The following NCALD variants were observed in gnomAD, a reference collection of about 807,000 sequenced individuals.
NCALD encodes the protein neurocalcin-delta.
Under a neutral mutation model 18.6 loss-of-function variants are expected in NCALD, and 10 were observed. That is an observed-to-expected ratio of 0.54 (90% CI 0.33 to 0.91). NCALD has a LOEUF of 0.91. Among genes scored for constraint, NCALD ranks in the 40% least tolerant of loss-of-function variants. NCALD has a pLI of 0.03. For synonymous variants in NCALD, 88 were observed against 87.4 expected, an observed-to-expected ratio of 1.01 and a Z score of -0.04; for missense variants, 184 against 247.6, an observed-to-expected ratio of 0.74 and a Z score of 1.72.
At chr8:102,004,816 T>C (rs1220330053) in intron 2 of NCALD, among the ~76,000 whole-genome samples, 1 of 152,144 alleles carries the variant, frequency 6.6e-6, no homozygotes, top group East Asian at 1.9e-4. Flanking sequence ...CTGGGAAAAC[T>C]GGCTAGCCAT....
chr8:101,822,577 C>T (rs145978205), intron 4 of NCALD, among the ~76,000 whole-genome samples: 5 of 152,340 alleles, frequency 3.3e-5, no homozygotes, highest in African/African-American at 1.2e-4. Context: ...GCTCCAGCTA[C>T]GTACCCAGTA....
In NCALD at chr8:101,991,557, G is replaced by C. The variant is rs148300560; in HGVS notation, c.-157+28680C>G. On this transcript the variant is annotated intron_variant, in intron 2 of 6. Coordinates refer to the NCALD transcript ENST00000311028. The stretch of plus-strand genomic sequence containing the variant: ...ATAAATAGTACCAATTCATGTGTCT[G>C]AGTTCTCCTCCCAGGCAAGTAAAAG... Among the ~76,000 whole-genome samples, 1,165 of 152,290 alleles carry C rather than the reference G, an allele frequency of 7.6e-3. 12 individuals carry two copies. The highest frequency in any genetic ancestry group is 0.023 in the African/African-American group (974 of 41,554).
At chr8:101,846,907 C>G (rs1361626433) in intron 4 of NCALD, among the ~76,000 whole-genome samples, 5 of 152,166 alleles carry the variant, frequency 3.3e-5, no homozygotes, top group Non-Finnish European at 7.3e-5. Flanking sequence ...TGGACATTTC[C>G]CATTCCAGCC....
At chr8:101,766,590 TTTTG>T (rs1679946859) in intron 1 of NCALD, among the ~76,000 whole-genome samples, 1 of 152,076 alleles carries the variant, frequency 6.6e-6, no homozygotes. Context: ...TGTTTGTTGT[TTTTG>T]TTTTTGTTTT....
At chr8:101,977,426 G>A (rs1431435887) in intron 2 of NCALD, among the ~76,000 whole-genome samples, 1 of 146,258 alleles carries the variant, frequency 6.8e-6, no homozygotes, top group Non-Finnish European at 1.5e-5. Context: ...GGACATTTTT[G>A]TGGGAATTTT....
At position 101,743,413 on chromosome 8, in the gene NCALD, A is replaced by G. The variant is rs138515251; in HGVS notation, c.-19-23765T>C. Among the ~76,000 whole-genome samples the G allele has an allele frequency of 2.5e-3, 379 of 152,374 alleles. 2 individuals are homozygous for G. Among genetic ancestry groups the G allele is most frequent in the African/African-American group, 8.8e-3 (366 of 41,590 alleles). ...TCTAGTTAAGGCAATAACACGTTACACATGAAACATTTAAGTCTACAACAA... is the reference window on the plus strand; with the variant it reads ...TCTAGTTAAGGCAATAACACGTTACGCATGAAACATTTAAGTCTACAACAA... On this transcript the variant is annotated intron_variant, in intron 1 of 3. Coordinates refer to ENST00000220931, the MANE Select transcript of NCALD (RefSeq NM_032041.3).
At chr8:101,996,640 T>C (rs1821249897) in intron 2 of NCALD, among the ~76,000 whole-genome samples, 1 of 152,226 alleles carries the variant, frequency 6.6e-6, no homozygotes. Flanking sequence ...GAGGTCATCT[T>C]GACAAGTCAG....
chr8:101,907,756 C>T (rs917786216), intron 3 of NCALD, among the ~76,000 whole-genome samples: 1 of 152,274 alleles, frequency 6.6e-6, no homozygotes, highest in Middle Eastern at 3.4e-3. Flanking sequence ...CATGCTTCTC[C>T]AGGCAACTTC....
chr8:102,110,453 C>T (rs1035685805), intron 1 of NCALD, among the ~76,000 whole-genome samples: 3 of 152,178 alleles, frequency 2.0e-5, no homozygotes, highest in Admixed American at 6.5e-5. Context: ...AAGCACTCCA[C>T]TTTCACTCTC....
chr8:101,817,096 G>A (rs1813527616), intron 4 of NCALD, among the ~76,000 whole-genome samples: 2 of 152,144 alleles, frequency 1.3e-5, no homozygotes, highest in Non-Finnish European at 2.9e-5. Flanking sequence ...CATTTAGGAT[G>A]TTCCTGCCTC....
intron 4 of NCALD, among the ~76,000 whole-genome samples, chr8:101,884,302 T>A (rs1175270775): frequency 1.3e-5 from 2 of 152,204 alleles, no homozygotes; most frequent in Non-Finnish European, 2.9e-5. Context: ...ACTTAACACA[T>A]TTGTAAAATG....
At chr8:101,945,593 A>G (rs1378165075) in intron 2 of NCALD, among the ~76,000 whole-genome samples, 1 of 152,214 alleles carries the variant, frequency 6.6e-6, no homozygotes, top group Non-Finnish European at 1.5e-5. Context: ...TACGGAAAAG[A>G]GCATGAGATA....
chr8:101,805,201 G>A (rs563508415), intron 4 of NCALD, among the ~76,000 whole-genome samples: 1 of 152,282 alleles, frequency 6.6e-6, no homozygotes, highest in South Asian at 2.1e-4. Context: ...CTGAGGATCT[G>A]GAGCACTTGA....
chr8:102,060,208 C>T (rs1823797382), intron 1 of NCALD, among the ~76,000 whole-genome samples: 1 of 139,004 alleles, frequency 7.2e-6, no homozygotes, highest in Admixed American at 6.9e-5. Flanking sequence ...GTCTTGATCT[C>T]CTGACCTTGT....
intron 1 of NCALD, among the ~76,000 whole-genome samples, chr8:102,024,218 A>C (rs1822378120): frequency 6.6e-6 from 1 of 152,244 alleles, no homozygotes; most frequent in Non-Finnish European, 1.5e-5. Context: ...CATATTTTCA[A>C]AACTGTGGCA....
intron 1 of NCALD, among the ~76,000 whole-genome samples, chr8:101,766,143 G>A (rs1205745566): frequency 2.0e-5 from 3 of 152,146 alleles, no homozygotes; most frequent in African/African-American, 2.4e-5. Flanking sequence ...CACATTTAGT[G>A]TATTCACAAA....
At chr8:102,111,984 T>C (rs6987653) in intron 1 of NCALD, among the ~76,000 whole-genome samples, 42,365 of 152,090 alleles carry the variant, frequency 0.28, 6,496 homozygotes, top group African/African-American at 0.38. Flanking sequence ...AATTTCAATA[T>C]TACTATAAAC....
intron 1 of NCALD, among the ~76,000 whole-genome samples, chr8:101,762,511 G>T (rs1811154657): frequency 6.6e-6 from 1 of 151,652 alleles, no homozygotes; most frequent in South Asian, 2.1e-4. Context: ...AGAGATAAGA[G>T]AATAAACCTT....
intron 1 of NCALD, among the ~76,000 whole-genome samples, chr8:102,053,314 T>C (rs1170567222): frequency 6.6e-6 from 1 of 152,240 alleles, no homozygotes; most frequent in African/African-American, 2.4e-5. Flanking sequence ...ATATTAAATA[T>C]GTATTTGGTA....
Sources: gnomAD v4.1 joint callset for allele counts (sites outside exome capture counted in the v4.1 genomes callset) on GRCh38, gnomAD v4.1.1 for gene constraint, MANE v1.5 for transcripts, NCBI Gene and HGNC (gene_info 2026-07-23, HGNC 2026-07-21) for gene names.